Variants in SLC35F4 observed in about 807,000 individuals in gnomAD.
The protein encoded by SLC35F4 is solute carrier family 35 member F4.
Under a neutral mutation model 44.2 loss-of-function variants are expected in SLC35F4, and 24 were observed. The ratio of observed to expected loss-of-function variants is 0.54; its 90% confidence interval spans 0.39 to 0.76. The LOEUF is 0.76. Among genes scored for constraint, SLC35F4 ranks in the 30% least tolerant of loss-of-function variants. The probability of loss-of-function intolerance (pLI) is 0.00; values close to 1 mark genes in which losing one functional copy is unlikely to be tolerated. For missense variants in SLC35F4, 562 were observed against 586.1 expected (o/e 0.96, Z 0.42); for synonymous variants, 238 against 223.6 (o/e 1.06, Z -0.57).
intron 5 of SLC35F4, among the ~76,000 whole-genome samples, chr14:57,571,016 T>C (rs2068472370): frequency 6.6e-6 from 1 of 152,144 alleles, no homozygotes; most frequent in Non-Finnish European, 1.5e-5. Flanking sequence ...GAAATGTCAA[T>C]ATGGAAATAG....
At chr14:57,590,077 C>CTTT (rs112429463) in intron 2 of SLC35F4, among the ~76,000 whole-genome samples, 5 of 138,920 alleles carry the variant, frequency 3.6e-5, no homozygotes, top group Admixed American at 7.3e-5. Context: ...TTCCATTTTC[C>CTTT]TTTTTTTTTT....
intron 1 of SLC35F4, among the ~76,000 whole-genome samples, chr14:57,736,372 AC>A (rs1041819782): frequency 5.9e-5 from 9 of 152,202 alleles, no homozygotes; most frequent in Non-Finnish European, 1.3e-4. Flanking sequence ...AATCCAAAAA[AC>A]AATTTCAGTA....
rs111884580 is a variant in SLC35F4, at chr14:57,695,877, T to C, written c.104-101753A>G. ...TGAGTTCATGTCCTTTGTAGGGACA[T>C]GGATGAAACTGGAGACTTTTATATT... is the stretch of plus-strand genomic sequence containing the variant. On this transcript the variant is annotated intron_variant, in intron 1 of 7. Transcript: ENST00000556826. 2.6e-5 allele frequency among the ~76,000 whole-genome samples: 4 copies of C among 152,240 alleles called. 1 individual carries two copies. The highest frequency in any genetic ancestry group is 2.1e-4 in the South Asian group (1 of 4,820).
At chr14:57,931,595 A>G (rs778182250) in intron 1 of SLC35F4, among the ~76,000 whole-genome samples, 21 of 145,232 alleles carry the variant, frequency 1.4e-4, no homozygotes, top group Non-Finnish European at 2.4e-4. Flanking sequence ...TAGCTGGGAG[A>G]AAAAAACAAC....
chr14:57,883,728 T>C (rs527732785), intron 1 of SLC35F4, among the ~76,000 whole-genome samples: 2 of 152,202 alleles, frequency 1.3e-5, no homozygotes, highest in Non-Finnish European at 2.9e-5. Context: ...TCTTCTCTGA[T>C]AATTCTAATG....
intron 1 of SLC35F4, among the ~76,000 whole-genome samples, chr14:57,676,836 C>A (rs6573158): frequency 0.45 from 68,708 of 151,808 alleles, 15,959 homozygotes; most frequent in African/African-American, 0.55. Flanking sequence ...AGTACAACCA[C>A]TGTGGAAAAC....
At chr14:57,764,229 A>T (rs1395557721) in intron 1 of SLC35F4, among the ~76,000 whole-genome samples, 1 of 152,192 alleles carries the variant, frequency 6.6e-6, no homozygotes, top group African/African-American at 2.4e-5. Context: ...TGTTGTTTTT[A>T]AGCTGTCAGG....
In SLC35F4 at chr14:57,564,291, C is replaced by A; in HGVS notation, c.1302G>T (p.Met434Ile). Residue 434 changes from methionine to isoleucine, a missense_variant, in exon 8 of 8, where the codon ATG (methionine) becomes ATT (isoleucine). Transcript: ENST00000556826. ...TTTCATCCCATTCCTCAGGCAACAG[C>A]ATCAGCAGAAACCCAATGCAGATGA... Reference protein sequence around the residue: ...TIIICIGFLLMLLPEEWDEIT... With the variant: ...TIIICIGFLLILLPEEWDEIT... 6.2e-7 allele frequency: 1 copy of A among 1,612,770 alleles called. No homozygotes were observed. Among genetic ancestry groups the A allele is most frequent in the Non-Finnish European group, 8.5e-7 (1 of 1,179,452 alleles).
chr14:57,894,565 T>C (rs1157572769), intron 1 of SLC35F4, among the ~76,000 whole-genome samples: 1 of 152,144 alleles, frequency 6.6e-6, no homozygotes, highest in Non-Finnish European at 1.5e-5. Context: ...ACTGTTCAAC[T>C]TTGCACTGGC....
intron 1 of SLC35F4, among the ~76,000 whole-genome samples, chr14:57,873,201 T>C (rs1305657145): frequency 6.6e-6 from 1 of 152,146 alleles, no homozygotes; most frequent in East Asian, 1.9e-4. Flanking sequence ...GGCTACCCCA[T>C]AGCATTATCC....
intron 3 of SLC35F4, among the ~76,000 whole-genome samples, chr14:57,582,321 G>A (rs1199239148): frequency 6.6e-6 from 1 of 152,066 alleles, no homozygotes; most frequent in Admixed American, 6.6e-5. Flanking sequence ...TCAGCCTCCT[G>A]AGTAGCTGGG....
chr14:57,839,798 T>C (rs545636587), intron 1 of SLC35F4, among the ~76,000 whole-genome samples: 122 of 152,180 alleles, frequency 8.0e-4, no homozygotes, highest in Admixed American at 1.4e-3. Context: ...AGGACACAGC[T>C]CCAGGGACCT....
At chr14:57,849,363 T>G (rs1187748229) in intron 1 of SLC35F4, among the ~76,000 whole-genome samples, 1 of 152,164 alleles carries the variant, frequency 6.6e-6, no homozygotes, top group Non-Finnish European at 1.5e-5. Context: ...GGTTTCGCCA[T>G]GTTGGCCAGG....
At chr14:57,604,605 T>C (rs559454627) in intron 1 of SLC35F4, among the ~76,000 whole-genome samples, 59 of 152,224 alleles carry the variant, frequency 3.9e-4, no homozygotes, top group African/African-American at 1.3e-3. Context: ...GAAAAAACTA[T>C]TCTAAAATTT....
chr14:57,661,024 G>A (rs944058847), intron 1 of SLC35F4, among the ~76,000 whole-genome samples: 1 of 152,118 alleles, frequency 6.6e-6, no homozygotes, highest in Non-Finnish European at 1.5e-5. Flanking sequence ...CCATTTCTTC[G>A]GCACTGTAGG....
intron 1 of SLC35F4, among the ~76,000 whole-genome samples, chr14:57,841,283 G>A (rs72713093): frequency 4.1e-4 from 63 of 152,260 alleles, no homozygotes; most frequent in Admixed American, 6.5e-4. Context: ...AGAAAATCTC[G>A]TAGTAGGTAG....
In SLC35F4 at chr14:57,778,742, T is replaced by TA. The variant is rs137932442; in HGVS notation, c.103+86980dup. On this transcript the variant is annotated intron_variant, in intron 1 of 7. Transcript: ENST00000556826. The stretch of plus-strand genomic sequence containing the variant: ...AGATATAAAACAATGCTCAGCAAAT[T>TA]AAAAAAAAAACAAAATTATACCAAG... 0.016 allele frequency among the ~76,000 whole-genome samples: 2,379 copies of TA among 147,028 alleles called. 290 individuals are homozygous for TA. In the East Asian group the frequency reaches 0.34, roughly 21 times the overall value.
At chr14:57,791,434 C>T (rs768394176) in intron 1 of SLC35F4, among the ~76,000 whole-genome samples, 2 of 152,154 alleles carry the variant, frequency 1.3e-5, no homozygotes, top group Non-Finnish European at 2.9e-5. Flanking sequence ...AATGAAATAC[C>T]ATCTCATACC....
intron 1 of SLC35F4, among the ~76,000 whole-genome samples, chr14:57,756,786 T>C (rs751220818): frequency 6.6e-6 from 1 of 151,818 alleles, no homozygotes; most frequent in Non-Finnish European, 1.5e-5. Context: ...TCCCAAGTAG[T>C]TGGGACCGCA....
Sources: allele counts gnomAD v4.1 joint callset (sites outside exome capture counted in the v4.1 genomes callset), GRCh38; gene constraint gnomAD v4.1.1; transcripts MANE v1.5; gene names NCBI Gene and HGNC (gene_info 2026-07-23, HGNC 2026-07-21).